The following CNTLN variants were observed in gnomAD, a reference collection of about 807,000 sequenced individuals.
CNTLN encodes the protein centlein, centrosomal protein.
A neutral mutation model predicts 180.0 loss-of-function variants in CNTLN; 212 were observed. The ratio of observed to expected loss-of-function variants is 1.18; its 90% CI spans 1.05 to 1.32. The LOEUF is 1.32. CNTLN is among the 40% of genes most tolerant of loss of function. The pLI is 0.00. For synonymous variants in CNTLN, 722 were observed against 563.1 expected, an observed-to-expected ratio of 1.28 and a Z score of -3.99; for missense variants, 2,095 against 1,610.9, an observed-to-expected ratio of 1.30 and a Z score of -5.14.
chr9:17,400,496 C>T, intron 15 of CNTLN, among the ~76,000 whole-genome samples: 1 of 152,266 alleles, frequency 6.6e-6, no homozygotes, highest in African/African-American at 2.4e-5. Context: ...TGTTACCAAA[C>T]TACTTTTGTT....
intron 15 of CNTLN, among the ~76,000 whole-genome samples, chr9:17,401,850 T>C (rs979802518): frequency 6.6e-6 from 1 of 151,596 alleles, no homozygotes; most frequent in African/African-American, 2.4e-5. Flanking sequence ...GTAACAGATA[T>C]ATAAAAAGAG....
intron 12 of CNTLN, among the ~76,000 whole-genome samples, chr9:17,351,473 G>T (rs1014599888): frequency 6.6e-6 from 1 of 152,002 alleles, no homozygotes; most frequent in African/African-American, 2.4e-5. Flanking sequence ...ATTTATTCCC[G>T]TCCATTATTC....
chr9:17,444,650 A>C (rs945038849), intron 18 of CNTLN, among the ~76,000 whole-genome samples: 1 of 152,208 alleles, frequency 6.6e-6, no homozygotes, highest in Non-Finnish European at 1.5e-5. Flanking sequence ...AAGAACACCT[A>C]GACTTACCCT....
intron 1 of CNTLN, 38 bp from the exon 2 acceptor site, chr9:17,143,250 C>A: frequency 6.9e-7 from 1 of 1,439,028 alleles, no homozygotes; most frequent in Non-Finnish European, 9.7e-7. Flanking sequence ...ACTACCACTA[C>A]AAAGCAATGC....
At chr9:17,406,226 TC>T (rs1827379567) in intron 15 of CNTLN, among the ~76,000 whole-genome samples, 1 of 151,878 alleles carries the variant, frequency 6.6e-6, no homozygotes, top group South Asian at 2.1e-4. Context: ...TTGGTGGATT[TC>T]TTTAGAAAAA....
chr9:17,483,702 G>T (rs1486455703), intron 23 of CNTLN, among the ~76,000 whole-genome samples: 5 of 152,174 alleles, frequency 3.3e-5, no homozygotes, highest in African/African-American at 1.2e-4. Context: ...GGCTTGTGAA[G>T]TAGTTCTTGA....
chr9:17,143,349 C>A lies in CNTLN; in HGVS notation c.422C>A (p.Thr141Lys). ...KRLQVTNPDL[T>K]QVVSLVVERE... ...CTCCAGGTTACAAACCCAGATCTCA[C>A]ACAAGTGGTCAGTTTGGTTGTGGAA... is the stretch of plus-strand genomic sequence containing the variant. Residue 141 changes from threonine to lysine, a missense_variant, in exon 2 of 26, where the codon ACA (threonine) becomes AAA (lysine). By Grantham distance (78) the Thr-to-Lys change is moderately conservative. Transcript: ENST00000380647. The A allele has an allele frequency of 6.2e-7, 1 of 1,613,624 alleles. No individual in the cohort carries two copies. Among genetic ancestry groups the A allele is most frequent in the South Asian group, 1.1e-5 (1 of 91,042 alleles).
chr9:17,142,032 A>G (rs764940251), intron 1 of CNTLN, among the ~76,000 whole-genome samples: 50 of 147,700 alleles, frequency 3.4e-4, no homozygotes, highest in African/African-American at 1.1e-3. Flanking sequence ...CAGTGAGCCG[A>G]GATTGCGCCA....
intron 12 of CNTLN, among the ~76,000 whole-genome samples, chr9:17,355,146 T>C (rs7862336): frequency 0.84 from 128,125 of 152,118 alleles, 54,155 homozygotes; most frequent in Non-Finnish European, 0.87. Flanking sequence ...TTCTTGAAGT[T>C]AGTGAGACCA....
chr9:17,265,612 G>A (rs537068689), intron 5 of CNTLN, among the ~76,000 whole-genome samples: 79 of 152,196 alleles, frequency 5.2e-4, no homozygotes, highest in Admixed American at 1.1e-3. Context: ...CAGATGGAGT[G>A]GTACCAGCTC....
At chr9:17,143,228 G>A in intron 1 of CNTLN, 60 bp from the exon 2 acceptor site, 11 of 1,148,872 alleles carry the variant, frequency 9.6e-6, no homozygotes, top group Non-Finnish European at 1.4e-5. Context: ...ATTTAATGTA[G>A]TATCTTATTT....
intron 2 of CNTLN, among the ~76,000 whole-genome samples, chr9:17,146,117 G>A (rs2131464534): frequency 6.6e-6 from 1 of 152,108 alleles, no homozygotes; most frequent in East Asian, 1.9e-4. Flanking sequence ...CTGTTTATTT[G>A]GGTCCTTTGA....
chr9:17,421,530 T>C (rs1271780322), intron 18 of CNTLN, among the ~76,000 whole-genome samples: 1 of 152,112 alleles, frequency 6.6e-6, no homozygotes, highest in East Asian at 1.9e-4. Flanking sequence ...TCAGCTACTA[T>C]GTATCTTTTG....
intron 10 of CNTLN, among the ~76,000 whole-genome samples, chr9:17,335,915 G>A (rs1202172993): frequency 1.5e-5 from 2 of 134,992 alleles, no homozygotes; most frequent in Non-Finnish European, 3.2e-5. Flanking sequence ...ACATTCCAGC[G>A]AGTCTGTCTC....
intron 6 of CNTLN, among the ~76,000 whole-genome samples, chr9:17,274,530 C>G (rs1193832129): frequency 6.6e-6 from 1 of 151,248 alleles, no homozygotes; most frequent in East Asian, 1.9e-4. Flanking sequence ...TCCATCCATC[C>G]ACATGCATGA....
chr9:17,482,810 G>A (rs938108248), intron 23 of CNTLN, among the ~76,000 whole-genome samples: 1 of 152,082 alleles, frequency 6.6e-6, no homozygotes, highest in Non-Finnish European at 1.5e-5. Context: ...GAAACCACTT[G>A]GAGAAAGATG....
At position 17,409,309 on chromosome 9, in the gene CNTLN, C is replaced by A; in HGVS notation, c.2632C>A (p.Gln878Lys). The change falls in exon 16 of 26, where the codon CAG becomes AAG. Residue 878 changes from glutamine (Q) to lysine (K), a missense_variant. Coordinates refer to ENST00000380647, the MANE Select transcript of CNTLN (RefSeq NM_017738.4). Reference protein sequence around the residue: ...VSESSSDSEAQTSQTLGTIIV... With the variant: ...VSESSSDSEAKTSQTLGTIIV... ...TCTAAAAAGCAGTGATTCTGAAGCA[C>A]AGACCTCTCAAACTTTGGGAACAAT... The A allele has an allele frequency of 6.2e-7, 1 of 1,612,384 alleles. No individual in the cohort carries two copies. The highest frequency in any genetic ancestry group is 8.5e-7 in the Non-Finnish European group (1 of 1,179,398).
At chr9:17,279,941 G>C (rs570850260) in intron 6 of CNTLN, among the ~76,000 whole-genome samples, 1 of 149,162 alleles carries the variant, frequency 6.7e-6, no homozygotes, top group South Asian at 2.2e-4. Context: ...GACGAAGAGA[G>C]ACCTGAGCTA....
chr9:17,283,071 G>A (rs1376125087), intron 6 of CNTLN, among the ~76,000 whole-genome samples: 1 of 152,098 alleles, frequency 6.6e-6, no homozygotes, highest in Non-Finnish European at 1.5e-5. Flanking sequence ...GGCTATACGG[G>A]CTCTTTTTTG....
Sources: allele counts gnomAD v4.1 joint callset (sites outside exome capture counted in the v4.1 genomes callset), GRCh38; gene constraint gnomAD v4.1.1; transcripts MANE v1.5; gene names NCBI Gene and HGNC (gene_info 2026-07-23, HGNC 2026-07-21).